ANK2: variants seen among roughly 807,000 people sequenced by gnomAD.
ANK2 encodes ankyrin 2.
In ANK2, 83 loss-of-function variants were observed where a neutral mutation model predicts 360.5. The observed-to-expected ratio is 0.23, with a 90% CI of 0.19 to 0.28. The LOEUF (loss-of-function observed/expected upper bound fraction) is 0.28, where lower values mean the gene tolerates loss of function less well. ANK2 is among the 10% of genes least tolerant of loss of function. The pLI, the probability that ANK2 is intolerant of heterozygous loss-of-function variation, is 1.00. For synonymous variants in ANK2, 1,740 were observed against 1,759.5 expected, an observed-to-expected ratio of 0.99 and a Z score of 0.28; for missense variants, 4,201 against 4,795.7, an observed-to-expected ratio of 0.88 and a Z score of 3.66.
chr4:112,819,525 T>C (rs1373111378), intron 1 of ANK2, among the ~76,000 whole-genome samples: 3 of 117,080 alleles, frequency 2.6e-5, no homozygotes, highest in Non-Finnish European at 3.4e-5. Flanking sequence ...AGTTTTGTCC[T>C]TTTTTTTTAG....
At chr4:112,897,914 T>C (rs1365304013) in intron 1 of ANK2, among the ~76,000 whole-genome samples, 2 of 152,090 alleles carry the variant, frequency 1.3e-5, no homozygotes, top group Non-Finnish European at 2.9e-5. Context: ...GTGAAGAAAA[T>C]ATGCATATTC....
chr4:112,942,873 CAA>C (rs368878298), intron 2 of ANK2, among the ~76,000 whole-genome samples: 2 of 151,884 alleles, frequency 1.3e-5, no homozygotes, highest in African/African-American at 4.8e-5. Context: ...TTAGTCCTAA[CAA>C]TATCTTTTTT....
At chr4:113,191,742 T>C (rs1016023999) in intron 2 of ANK2, among the ~76,000 whole-genome samples, 2 of 152,250 alleles carry the variant, frequency 1.3e-5, no homozygotes, top group African/African-American at 4.8e-5. Flanking sequence ...CCTACATTGT[T>C]TGATACTCTT....
chr4:112,749,188 C>A, the ANK2 span, among the ~76,000 whole-genome samples: 2 of 152,214 alleles, frequency 1.3e-5, no homozygotes, highest in Admixed American at 6.5e-5. Flanking sequence ...GCGTGAGCCA[C>A]CGCGCCTGGC....
At chr4:112,851,151 CT>C (rs1036563051) in intron 1 of ANK2, among the ~76,000 whole-genome samples, 3 of 152,096 alleles carry the variant, frequency 2.0e-5, no homozygotes, top group Non-Finnish European at 2.9e-5. Flanking sequence ...GAAAACGTGG[CT>C]TATAGTTGTG....
chr4:112,718,622 A>C, the ANK2 span, among the ~76,000 whole-genome samples: 1 of 150,580 alleles, frequency 6.6e-6, no homozygotes, highest in African/African-American at 2.4e-5. Flanking sequence ...CCTACTTCTT[A>C]GCAGTTTTTA....
At chr4:112,872,837 T>C (rs2073712831) in intron 1 of ANK2, among the ~76,000 whole-genome samples, 1 of 152,216 alleles carries the variant, frequency 6.6e-6, no homozygotes, top group Non-Finnish European at 1.5e-5. Flanking sequence ...AGCCATCTGG[T>C]CATGGGCTTT....
Position 113,149,874 on chromosome 4 carries a change from C to CAAAAAAAAAAAAAAAA in ANK2, c.85-24531_85-24516dup, listed in dbSNP as rs34667216. 1.9e-4 allele frequency among the ~76,000 whole-genome samples: 6 copies of CAAAAAAAAAAAAAAAA among 31,406 alleles called. 1 individual carries two copies. The highest frequency in any genetic ancestry group is 7.7e-4 in the African/African-American group (6 of 7,796). 20.6% of individuals were successfully genotyped at this position (31,406 alleles called of 152,430 possible). On this transcript the variant is annotated intron_variant, in intron 1 of 45. Transcript: ENST00000357077. ...CTTGCGTGAGAGTGAGACCCTGCCTCAAAAAAAAAAAAAAAAAAAAAAAAA... is the reference window on the plus strand; with the variant it reads ...CTTGCGTGAGAGTGAGACCCTGCCTCAAAAAAAAAAAAAAAAAAAAAAAAAAAAAAAAAAAAAAAAA...
rs114281052 is a variant in ANK2 at position 113,285,687 on chromosome 4, A to G, written c.2080-1918A>G. On this transcript the variant is annotated intron_variant, in intron 18 of 45. Transcript: ENST00000357077. ...CCCCGAGCCCTGTCCTCTGGAATTTATGGAAGCTTCATGATGTCAGCATTC... is the reference window on the plus strand; with the variant it reads ...CCCCGAGCCCTGTCCTCTGGAATTTGTGGAAGCTTCATGATGTCAGCATTC... 3.0e-3 allele frequency among the ~76,000 whole-genome samples: 456 copies of G among 152,156 alleles called. 1 individual carries two copies. Among genetic ancestry groups the G allele is most frequent in the African/African-American group, 0.011 (449 of 41,422 alleles).
intron 1 of ANK2, among the ~76,000 whole-genome samples, chr4:112,866,247 C>A (rs896633270): frequency 1.3e-5 from 2 of 152,082 alleles, no homozygotes; most frequent in Non-Finnish European, 2.9e-5. Context: ...GAAAAAAATC[C>A]TTAAATCAAC....
At chr4:113,052,134 C>T (rs902894510) in intron 1 of ANK2, among the ~76,000 whole-genome samples, 3 of 152,096 alleles carry the variant, frequency 2.0e-5, no homozygotes, top group Non-Finnish European at 2.9e-5. Context: ...TATTGTTTCA[C>T]ATTATTTTGC....
At chr4:113,161,695 C>CGTGTGTGTGT (rs56162406) in intron 1 of ANK2, among the ~76,000 whole-genome samples, 23 of 144,836 alleles carry the variant, frequency 1.6e-4, no homozygotes, top group African/African-American at 5.8e-4. Flanking sequence ...GTTTTAGTCT[C>CGTGTGTGTGT]GTGTGTGTGT....
At chr4:113,269,027 T>C (rs900929887) in intron 14 of ANK2, among the ~76,000 whole-genome samples, 1 of 152,220 alleles carries the variant, frequency 6.6e-6, no homozygotes, top group Non-Finnish European at 1.5e-5. Flanking sequence ...TCTAGTTTAT[T>C]GGTGTAGAGG....
chr4:113,349,529 C>T (rs1442326583), intron 36 of ANK2, among the ~76,000 whole-genome samples: 1 of 152,066 alleles, frequency 6.6e-6, no homozygotes, highest in African/African-American at 2.4e-5. Context: ...ACTATAGAAG[C>T]ACTGTCCTGC....
intron 1 of ANK2, among the ~76,000 whole-genome samples, chr4:113,103,849 G>C (rs993984725): frequency 7.2e-5 from 11 of 152,104 alleles, no homozygotes; most frequent in African/African-American, 2.7e-4. Context: ...TATAAAACAA[G>C]AGTAAGATGT....
At chr4:113,251,079 A>C (rs2046092659) in intron 10 of ANK2, among the ~76,000 whole-genome samples, 1 of 152,206 alleles carries the variant, frequency 6.6e-6, no homozygotes, top group Non-Finnish European at 1.5e-5. Flanking sequence ...GGTAATGCAG[A>C]GATAATTATG....
At chr4:112,915,524 G>A (rs1272426686) in intron 2 of ANK2, among the ~76,000 whole-genome samples, 1 of 152,092 alleles carries the variant, frequency 6.6e-6, no homozygotes, top group Non-Finnish European at 1.5e-5. Context: ...GCCGAGTTGG[G>A]TGGATCACTT....
chr4:113,160,244 A>T (rs893073082), intron 1 of ANK2: 4 of 280,534 alleles, frequency 1.4e-5, no homozygotes, highest in South Asian at 9.7e-5. Flanking sequence ...AAAAATTAAT[A>T]AATAGAGACA....
the ANK2 span, among the ~76,000 whole-genome samples, chr4:112,708,326 CT>C: frequency 2.0e-5 from 3 of 152,098 alleles, no homozygotes; most frequent in Non-Finnish European, 2.9e-5. Context: ...TTTACTCTTT[CT>C]GAACCATGTA....
Sources: allele counts gnomAD v4.1 joint callset (sites outside exome capture counted in the v4.1 genomes callset), GRCh38; gene constraint gnomAD v4.1.1; transcripts MANE v1.5; gene names NCBI Gene and HGNC (gene_info 2026-07-23, HGNC 2026-07-21).